Variants in MAGI1 observed in about 807,000 individuals in gnomAD.
The protein encoded by MAGI1 is membrane-associated guanylate kinase, WW and PDZ domain-containing protein 1.
MAGI1 carries 58 observed loss-of-function variants against 139.9 expected under a neutral mutation model. The ratio of observed to expected loss-of-function variants is 0.41; its 90% CI spans 0.34 to 0.52. The LOEUF (loss-of-function observed/expected upper bound fraction) is 0.52. Ranked by LOEUF, MAGI1 falls within the 20% of genes least tolerant of loss-of-function variation. The pLI is 0.12. For missense variants in MAGI1, 1,874 were observed against 1,901.6 expected (o/e 0.99, Z 0.27); for synonymous variants, 812 against 737.9 (o/e 1.10, Z -1.63).
chr3:65,459,801 G>A (rs910948853), intron 5 of MAGI1, among the ~76,000 whole-genome samples: 4 of 152,090 alleles, frequency 2.6e-5, no homozygotes, highest in African/African-American at 9.7e-5. Flanking sequence ...GCATGTACCT[G>A]TAGTCCCAGC....
intron 1 of MAGI1, among the ~76,000 whole-genome samples, chr3:65,726,826 G>GT (rs2033663680): frequency 6.6e-6 from 1 of 151,940 alleles, no homozygotes; most frequent in South Asian, 2.1e-4. Flanking sequence ...CCCCAGGCAA[G>GT]TATCACCATT....
chr3:65,902,972 G>A (rs1247665988), intron 1 of MAGI1, among the ~76,000 whole-genome samples: 1 of 152,136 alleles, frequency 6.6e-6, no homozygotes, highest in Non-Finnish European at 1.5e-5. Context: ...ATCAGCAGGG[G>A]TTCTCAGCTC....
At chr3:65,657,146 A>G (rs767962084) in intron 1 of MAGI1, among the ~76,000 whole-genome samples, 2 of 152,106 alleles carry the variant, frequency 1.3e-5, no homozygotes, top group Non-Finnish European at 2.9e-5. Context: ...CATCCCTAGG[A>G]AGTAGGTACT....
At chr3:65,716,090 T>G (rs944174063) in intron 1 of MAGI1, among the ~76,000 whole-genome samples, 1 of 152,204 alleles carries the variant, frequency 6.6e-6, no homozygotes, top group African/African-American at 2.4e-5. Flanking sequence ...ATTAAACCAT[T>G]CGAGCCCCCT....
chr3:65,477,637 T>TA (rs1950967022), intron 4 of MAGI1, among the ~76,000 whole-genome samples: 1 of 151,980 alleles, frequency 6.6e-6, no homozygotes, highest in East Asian at 1.9e-4. Context: ...CTTCATATAG[T>TA]AAAAAATATT....
At chr3:65,642,925 C>A (rs1473109165) in intron 1 of MAGI1, among the ~76,000 whole-genome samples, 1 of 152,174 alleles carries the variant, frequency 6.6e-6, no homozygotes, top group Admixed American at 6.5e-5. Flanking sequence ...GTGGTGCAAG[C>A]CAAATCAGCT....
chr3:65,590,861 A>G (rs554521601), intron 2 of MAGI1, among the ~76,000 whole-genome samples: 1 of 152,320 alleles, frequency 6.6e-6, no homozygotes, highest in South Asian at 2.1e-4. Context: ...TTCACCTATC[A>G]AACCAGCAAA....
At chr3:65,703,928 G>C (rs1576808565) in intron 1 of MAGI1, among the ~76,000 whole-genome samples, 1 of 152,176 alleles carries the variant, frequency 6.6e-6, no homozygotes, top group Non-Finnish European at 1.5e-5. Context: ...ACATGCATGG[G>C]CTTAAAGTTG....
intron 1 of MAGI1, among the ~76,000 whole-genome samples, chr3:65,653,301 G>A (rs1329070497): frequency 6.6e-6 from 1 of 152,050 alleles, no homozygotes; most frequent in Non-Finnish European, 1.5e-5. Flanking sequence ...GACCATTACA[G>A]AAGCCTCCTA....
At position 65,494,726 on chromosome 3, in the gene MAGI1, A is replaced by G. The variant is rs572388662; in HGVS notation, c.431-1095T>C. Among the ~76,000 whole-genome samples the G allele has an allele frequency of 1.8e-3, 281 of 152,350 alleles. 4 individuals carry two copies. In the South Asian group the frequency reaches 0.034, roughly 19 times the overall value. On this transcript the variant is annotated intron_variant, in intron 2 of 22. Transcript: ENST00000402939. ...ATTAAATAACCGACTATATGTGCCTAGTGGCGCTGAAGTTCTTAGCACTGT... is the reference window on the plus strand; with the variant it reads ...ATTAAATAACCGACTATATGTGCCTGGTGGCGCTGAAGTTCTTAGCACTGT...
intron 1 of MAGI1, among the ~76,000 whole-genome samples, chr3:65,771,427 T>C (rs1047378506): frequency 2.0e-5 from 3 of 152,116 alleles, no homozygotes; most frequent in African/African-American, 7.2e-5. Context: ...TATAGCACCA[T>C]GGGCAAGTGA....
chr3:65,385,070 T>C (rs986728289), intron 14 of MAGI1, among the ~76,000 whole-genome samples: 3 of 152,224 alleles, frequency 2.0e-5, no homozygotes, highest in Non-Finnish European at 4.4e-5. Context: ...AATTTGCCTA[T>C]GATATTTCAG....
intron 1 of MAGI1, among the ~76,000 whole-genome samples, chr3:65,935,514 C>T (rs572714694): frequency 7.9e-5 from 12 of 152,152 alleles, no homozygotes; most frequent in South Asian, 2.1e-4. Flanking sequence ...CCTAGCTACT[C>T]GGGAGGCTGA....
intron 2 of MAGI1, among the ~76,000 whole-genome samples, chr3:65,507,846 AT>A (rs576285344): frequency 1.3e-5 from 2 of 151,540 alleles, no homozygotes; most frequent in Admixed American, 6.6e-5. Flanking sequence ...CATAGAAATT[AT>A]TTTTTTTCAG....
At chr3:65,450,534 C>A (rs376939520) in intron 6 of MAGI1, among the ~76,000 whole-genome samples, 3 of 152,034 alleles carry the variant, frequency 2.0e-5, no homozygotes, top group Non-Finnish European at 2.9e-5. Flanking sequence ...TTGTATATTA[C>A]GTAATTTGGG....
chr3:65,928,064 T>C (rs974232163), intron 1 of MAGI1, among the ~76,000 whole-genome samples: 3 of 152,174 alleles, frequency 2.0e-5, no homozygotes, highest in Non-Finnish European at 4.4e-5. Flanking sequence ...CCTCCTAATA[T>C]GCAACACGAG....
intron 1 of MAGI1, among the ~76,000 whole-genome samples, chr3:65,857,132 T>C (rs1225953482): frequency 2.6e-5 from 4 of 152,208 alleles, no homozygotes; most frequent in African/African-American, 9.6e-5. Context: ...TCAATAGCAG[T>C]TGGCCTTTGT....
chr3:65,484,782 C>T lies in MAGI1; in HGVS notation c.551-5984G>A, dbSNP rs200093924. 2.0e-4 allele frequency among the ~76,000 whole-genome samples: 31 copies of T among 152,310 alleles called. 1 individual carries two copies. In the East Asian group the frequency reaches 6.0e-3, roughly 29 times the overall value. On this transcript the variant is annotated intron_variant, in intron 3 of 22. Coordinates refer to ENST00000402939, the MANE Select transcript of MAGI1 (RefSeq NM_001033057.2). ...GTTACTACCTGCTCATCCTCAGCAA[C>T]AGTATCTCTGACCCCACAGACTAGA...
At chr3:65,959,458 G>A (rs1476262416) in intron 1 of MAGI1, among the ~76,000 whole-genome samples, 1 of 151,738 alleles carries the variant, frequency 6.6e-6, no homozygotes, top group African/African-American at 2.4e-5. Context: ...TTGTTATTTT[G>A]GTTTTTCCTT....
Sources: gnomAD v4.1 joint callset for allele counts (sites outside exome capture counted in the v4.1 genomes callset) on GRCh38, gnomAD v4.1.1 for gene constraint, MANE v1.5 for transcripts, NCBI Gene and HGNC (gene_info 2026-07-23, HGNC 2026-07-21) for gene names.